Variants in PRKN observed in about 807,000 individuals in gnomAD.
PRKN encodes parkin RBR E3 ubiquitin protein ligase.
Under a neutral mutation model 59.5 loss-of-function variants are expected in PRKN, and 56 were observed. The observed-to-expected ratio is 0.94, with a 90% CI of 0.76 to 1.18. The LOEUF (loss-of-function observed/expected upper bound fraction) is 1.18, where lower values mean the gene tolerates loss of function less well. Among genes scored for constraint, PRKN ranks in the 50% most tolerant of loss-of-function variants. The pLI is 0.00. For synonymous variants in PRKN, 250 were observed against 222.1 expected (o/e 1.13, Z -1.12); for missense variants, 657 against 596.4 (o/e 1.10, Z -1.06).
chr6:162,433,506 A>C (rs1428088421), intron 2 of PRKN, among the ~76,000 whole-genome samples: 2 of 152,204 alleles, frequency 1.3e-5, no homozygotes, highest in East Asian at 3.9e-4. Context: ...CTTGGAATGA[A>C]AAAAACATAT....
intron 1 of PRKN, chr6:162,568,821 C>T: frequency 1.4e-6 from 1 of 729,834 alleles, no homozygotes; most frequent in Non-Finnish European, 2.5e-6. Context: ...CATGCAGGGG[C>T]TGGTGGAGGA....
chr6:162,310,850 G>T (rs2128117853), intron 2 of PRKN, among the ~76,000 whole-genome samples: 1 of 151,968 alleles, frequency 6.6e-6, no homozygotes, highest in South Asian at 2.1e-4. Flanking sequence ...CAAAACAACT[G>T]ACATACCTTT....
chr6:161,621,440 T>C (rs1383986278), intron 7 of PRKN, among the ~76,000 whole-genome samples: 2 of 152,222 alleles, frequency 1.3e-5, no homozygotes, highest in East Asian at 3.9e-4. Flanking sequence ...CTGGGGGTCC[T>C]GGGGTCCTGA....
At chr6:162,153,969 T>G (rs1237206597) in intron 4 of PRKN, among the ~76,000 whole-genome samples, 4 of 152,100 alleles carry the variant, frequency 2.6e-5, no homozygotes, top group Non-Finnish European at 4.4e-5. Flanking sequence ...AGAGAGCGGG[T>G]AAGCAGGGGT....
chr6:161,571,827 T>C (rs1420610922), intron 7 of PRKN, among the ~76,000 whole-genome samples: 1 of 152,118 alleles, frequency 6.6e-6, no homozygotes, highest in East Asian at 1.9e-4. Flanking sequence ...GCAGGCATCG[T>C]CCCATCCACT....
chr6:162,397,820 T>G (rs1787550953), intron 2 of PRKN, among the ~76,000 whole-genome samples: 1 of 152,068 alleles, frequency 6.6e-6, no homozygotes, highest in Non-Finnish European at 1.5e-5. Flanking sequence ...GTGGATCACT[T>G]GAGGTCAGGA....
intron 6 of PRKN, among the ~76,000 whole-genome samples, chr6:161,971,187 T>A: frequency 6.6e-6 from 1 of 152,168 alleles, no homozygotes; most frequent in East Asian, 1.9e-4. Context: ...CCAGCAATTA[T>A]CACCCTGTGT....
chr6:161,591,290 GT>G (rs1171469166), intron 7 of PRKN, among the ~76,000 whole-genome samples: 1 of 152,064 alleles, frequency 6.6e-6, no homozygotes, highest in Non-Finnish European at 1.5e-5. Flanking sequence ...AAATTAGAAA[GT>G]TCAAAGAAAA....
At chr6:162,472,749 C>T (rs1310808590) in intron 1 of PRKN, among the ~76,000 whole-genome samples, 2 of 120,116 alleles carry the variant, frequency 1.7e-5, no homozygotes, top group African/African-American at 5.9e-5. Flanking sequence ...CCTTGGCCTC[C>T]CAAAGTGCTG....
intron 7 of PRKN, among the ~76,000 whole-genome samples, chr6:161,749,364 C>T (rs971050831): frequency 1.3e-5 from 2 of 152,100 alleles, no homozygotes; most frequent in Non-Finnish European, 2.9e-5. Context: ...TGTGTATAAT[C>T]GTATACCTTA....
intron 1 of PRKN, among the ~76,000 whole-genome samples, chr6:162,612,320 A>G (rs565481778): frequency 3.7e-4 from 57 of 152,010 alleles, no homozygotes; most frequent in Non-Finnish European, 7.9e-4. Flanking sequence ...AATTCAAAAG[A>G]CCATCTAGTC....
rs1784577710 is a variant in PRKN, at chr6:161,352,235, T to C, written c.1286-2024A>G. 6.6e-6 allele frequency among the ~76,000 whole-genome samples: 1 copy of C among 152,208 alleles called. No homozygotes were observed. The highest frequency in any genetic ancestry group is 1.5e-5 in the Non-Finnish European group (1 of 68,028). On this transcript the variant is annotated intron_variant, in intron 11 of 11. Coordinates refer to ENST00000366898, the MANE Select transcript of PRKN (RefSeq NM_004562.3). This position sits in a 1 kb window ranked among gnomAD's most constrained non-coding sequence, Gnocchi z 5.8. ...TGTCTCACTTTTATTATTAGAAACC[T>C]GGCATGAGAACTTTCACTAATTTAA...
intron 5 of PRKN, among the ~76,000 whole-genome samples, chr6:161,973,886 A>G (rs1039001701): frequency 2.0e-5 from 3 of 152,166 alleles, no homozygotes; most frequent in African/African-American, 4.8e-5. Flanking sequence ...GTATCACTAC[A>G]TGGTTAGTCA....
At chr6:162,524,854 A>G (rs1337393560) in intron 1 of PRKN, among the ~76,000 whole-genome samples, 2 of 152,156 alleles carry the variant, frequency 1.3e-5, no homozygotes, top group Non-Finnish European at 2.9e-5. Context: ...TCTAAAAAGA[A>G]TTCTTGTGTT....
intron 4 of PRKN, among the ~76,000 whole-genome samples, chr6:162,190,719 C>T (rs573015543): frequency 6.6e-6 from 1 of 152,278 alleles, no homozygotes; most frequent in East Asian, 1.9e-4. Flanking sequence ...ACTCCCCTGC[C>T]CCGCACATTT....
intron 7 of PRKN, among the ~76,000 whole-genome samples, chr6:161,720,525 G>C (rs1427345883): frequency 6.6e-6 from 1 of 152,088 alleles, no homozygotes; most frequent in African/African-American, 2.4e-5. Context: ...GTGGGGGGGG[G>C]CAGGTGGGCA....
intron 2 of PRKN, among the ~76,000 whole-genome samples, chr6:162,424,562 C>T (rs989460750): frequency 6.6e-6 from 1 of 151,700 alleles, no homozygotes; most frequent in Non-Finnish European, 1.5e-5. Flanking sequence ...GGTGAAATCC[C>T]GTCTCTACTA....
chr6:162,544,070 A>G (rs747452254), intron 1 of PRKN, among the ~76,000 whole-genome samples: 1 of 152,174 alleles, frequency 6.6e-6, no homozygotes, highest in Non-Finnish European at 1.5e-5. Flanking sequence ...TCGGATTTGT[A>G]CCTTCTGTGA....
intron 7 of PRKN, among the ~76,000 whole-genome samples, chr6:161,632,531 T>A (rs1783354401): frequency 1.3e-5 from 2 of 152,226 alleles, no homozygotes; most frequent in African/African-American, 4.8e-5. Context: ...AGTCACATTT[T>A]GAAATAATAG....
Sources: allele counts gnomAD v4.1 joint callset (sites outside exome capture counted in the v4.1 genomes callset), GRCh38; gene constraint gnomAD v4.1.1; non-coding constraint Gnocchi (gnomAD v3.1); transcripts MANE v1.5; gene names NCBI Gene and HGNC (gene_info 2026-07-23, HGNC 2026-07-21).